Variants in MIB1 observed in about 807,000 individuals in gnomAD.
The protein encoded by MIB1 is E3 ubiquitin-protein ligase MIB1.
In MIB1, 278 loss-of-function variants were observed where a neutral mutation model predicts 124.5. That is an observed-to-expected ratio of 2.23 (90% CI 2.02 to 2.47). MIB1 has a LOEUF of 2.47. Among genes scored for constraint, MIB1 ranks in the 30% most tolerant of loss-of-function variants. The probability of loss-of-function intolerance (pLI) is 0.00; values close to 1 mark genes in which losing one functional copy is unlikely to be tolerated. For missense variants in MIB1, 957 were observed against 1,254.4 expected (o/e 0.76, Z 3.58); for synonymous variants, 446 against 429.4 (o/e 1.04, Z -0.48).
intron 4 of MIB1, among the ~76,000 whole-genome samples, chr18:21,776,075 T>C (rs1386462622): frequency 6.6e-6 from 1 of 152,062 alleles, no homozygotes. Flanking sequence ...GAGACCAACC[T>C]GGGCAATGTG....
intron 1 of MIB1, among the ~76,000 whole-genome samples, chr18:21,719,397 G>T (rs1810893538): frequency 6.6e-6 from 1 of 152,028 alleles, no homozygotes; most frequent in African/African-American, 2.4e-5. Context: ...TTATATTTTA[G>T]ATACTGGCCT....
intron 1 of MIB1, among the ~76,000 whole-genome samples, chr18:21,719,516 TGC>T (rs1161477723): frequency 6.6e-6 from 1 of 152,050 alleles, no homozygotes; most frequent in Non-Finnish European, 1.5e-5. Context: ...GTGCGATCTC[TGC>T]ACACTGCAAC....
At chr18:21,787,032 C>T (rs60241031) in intron 6 of MIB1, among the ~76,000 whole-genome samples, 5,111 of 132,718 alleles carry the variant, frequency 0.039, 117 homozygotes, top group African/African-American at 0.083. Context: ...TTTTTTTTTT[C>T]CCAGTTTTTG....
At chr18:21,819,811 G>T (rs551149574) in intron 12 of MIB1, among the ~76,000 whole-genome samples, 165 bp downstream of exon 12, 1 of 152,048 alleles carries the variant, frequency 6.6e-6, no homozygotes, top group East Asian at 1.9e-4. Context: ...TGATTATTTG[G>T]TTGTTAATCT....
intron 9 of MIB1, among the ~76,000 whole-genome samples, chr18:21,800,590 G>T (rs2041640092): frequency 6.6e-6 from 1 of 152,186 alleles, no homozygotes; most frequent in Non-Finnish European, 1.5e-5. Context: ...TACCTTGCTG[G>T]CACCAGTATT....
chr18:21,765,880 A>G lies in MIB1; in HGVS notation c.338A>G (p.Tyr113Cys), dbSNP rs2146406837. The change falls in exon 2 of 21, where the codon TAT becomes TGT. Residue 113 changes from tyrosine (Y) to cysteine (C), a missense_variant. By Grantham distance (194) the Tyr-to-Cys change is radical (BLOSUM62 -2). Coordinates refer to ENST00000261537, the MANE Select transcript of MIB1 (RefSeq NM_020774.4). ...AATTATGATTTGTGCACAGTGTGTT[A>G]TCATGGAGATAAACATCATTTAAGA... The part of the protein sequence containing the change: ...CTNYDLCTVC[Y>C]HGDKHHLRHR... The G allele has an allele frequency of 6.2e-7, 1 of 1,614,190 alleles. No homozygotes were observed. Among genetic ancestry groups the G allele is most frequent in the Non-Finnish European group, 8.5e-7 (1 of 1,179,988 alleles).
chr18:21,813,729 C>G (rs987597156), intron 10 of MIB1, among the ~76,000 whole-genome samples: 3 of 152,260 alleles, frequency 2.0e-5, no homozygotes, highest in Non-Finnish European at 1.5e-5. Context: ...CAGTGTTTAT[C>G]TGTGCTTTCT....
intron 13 of MIB1, among the ~76,000 whole-genome samples, chr18:21,840,019 A>G (rs2042068234): frequency 6.6e-6 from 1 of 152,184 alleles, no homozygotes; most frequent in African/African-American, 2.4e-5. Flanking sequence ...ACACCACTGC[A>G]TTCTGGCCTG....
intron 20 of MIB1, among the ~76,000 whole-genome samples, chr18:21,861,514 G>A (rs1334629980): frequency 1.3e-5 from 2 of 151,908 alleles, no homozygotes; most frequent in East Asian, 3.9e-4. Context: ...CCAAAGTTTA[G>A]CATTCTACCC....
chr18:21,767,530 A>C (rs2041175668), intron 2 of MIB1, among the ~76,000 whole-genome samples: 1 of 152,044 alleles, frequency 6.6e-6, no homozygotes, highest in Admixed American at 6.6e-5. Context: ...AGTACTCTTA[A>C]ATTTTTGAAT....
chr18:21,797,998 C>T, intron 7 of MIB1, 86 bp from the exon 8 acceptor site: 1 of 1,289,852 alleles, frequency 7.8e-7, no homozygotes, highest in Non-Finnish European at 1.1e-6. Context: ...TAAGTAAAAT[C>T]ATTACTTTAA....
At chr18:21,735,873 C>G (rs2040794783), upstream of MIB1, among the ~76,000 whole-genome samples, 1 of 152,210 alleles carries the variant, frequency 6.6e-6, no homozygotes. Context: ...GCAGCAGCCC[C>G]AGTCAGGCAC....
intron 1 of MIB1, among the ~76,000 whole-genome samples, chr18:21,715,811 CAAAG>C (rs1003284837): frequency 7.2e-5 from 11 of 151,760 alleles, no homozygotes; most frequent in Admixed American, 7.2e-4. Flanking sequence ...CCAACAAAAA[CAAAG>C]AAAAAAGAAT....
chr18:21,822,991 T>G (rs2041892479), intron 12 of MIB1, among the ~76,000 whole-genome samples: 1 of 152,066 alleles, frequency 6.6e-6, no homozygotes, highest in Admixed American at 6.5e-5. Context: ...CCCAGCACTT[T>G]GGGAGGCCAA....
At chr18:21,782,403 A>T (rs1330462709) in intron 6 of MIB1, among the ~76,000 whole-genome samples, 1 of 152,214 alleles carries the variant, frequency 6.6e-6, no homozygotes, top group Non-Finnish European at 1.5e-5. Context: ...GATTATAGGC[A>T]TGAACCACTG....
rs34993928 is a variant in MIB1 at position 21,759,229 on chromosome 18, G to GTATATA, written c.230-6535_230-6530dup. ...TATACATATGTGTGTATATATATGT[G>GTATATA]TATATATATATATGTATATATATAT... is the stretch of plus-strand genomic sequence containing the variant. On this transcript the variant is annotated intron_variant, in intron 1 of 20. Coordinates refer to ENST00000261537, the MANE Select transcript of MIB1 (RefSeq NM_020774.4). Among the ~76,000 whole-genome samples the GTATATA allele has an allele frequency of 2.7e-5, 4 of 149,622 alleles. No individual in the cohort carries two copies. In the East Asian group the frequency reaches 5.8e-4, roughly 22 times the overall value.
intron 1 of MIB1, among the ~76,000 whole-genome samples, chr18:21,762,462 A>G (rs1488793573): frequency 1.3e-5 from 2 of 152,228 alleles, no homozygotes; most frequent in Non-Finnish European, 2.9e-5. Context: ...GTAGTTTGCA[A>G]GGAACTACAA....
chr18:21,787,787 G>A (rs2041453902), intron 6 of MIB1, among the ~76,000 whole-genome samples: 1 of 150,752 alleles, frequency 6.6e-6, no homozygotes, highest in African/African-American at 2.4e-5. Context: ...TTTTCTGTTG[G>A]GGAGAGTGAA....
chr18:21,815,507 C>A, intron 10 of MIB1, 109 bp from the exon 11 acceptor site: 1 of 945,898 alleles, frequency 1.1e-6, no homozygotes, highest in Non-Finnish European at 1.6e-6. Flanking sequence ...TTGTTGTTTC[C>A]TACATTGCCT....
Sources: allele counts gnomAD v4.1 joint callset (sites outside exome capture counted in the v4.1 genomes callset), GRCh38; gene constraint gnomAD v4.1.1; transcripts MANE v1.5; gene names NCBI Gene and HGNC (gene_info 2026-07-23, HGNC 2026-07-21).